The following RBFOX1 variants were observed in gnomAD, a reference collection of about 807,000 sequenced individuals.
RBFOX1 encodes the protein RNA binding protein fox-1 homolog 1.
RBFOX1 carries 8 observed loss-of-function variants against 57.7 expected under a neutral mutation model. The observed-to-expected ratio is 0.14, with a 90% CI of 0.08 to 0.25. The LOEUF is 0.25. RBFOX1 is among the 10% of genes least tolerant of loss of function. The pLI, the probability that RBFOX1 is intolerant of heterozygous loss-of-function variation, is 1.00. For synonymous variants in RBFOX1, 326 were observed against 222.4 expected (o/e 1.47, Z -4.15); for missense variants, 611 against 548.5 (o/e 1.11, Z -1.14).
At chr16:7,043,781 T>C (rs912683333) in intron 3 of RBFOX1, among the ~76,000 whole-genome samples, 1 of 152,220 alleles carries the variant, frequency 6.6e-6, no homozygotes. Flanking sequence ...AGTTAATCTC[T>C]CACCAGTTCC....
intron 1 of RBFOX1, among the ~76,000 whole-genome samples, chr16:5,243,528 G>C (rs1178142154): frequency 6.6e-6 from 1 of 152,148 alleles, no homozygotes; most frequent in African/African-American, 2.4e-5. Context: ...GTGTATTGTA[G>C]GATGGTTAGC....
intron 3 of RBFOX1, among the ~76,000 whole-genome samples, chr16:5,707,470 C>T (rs1280004957): frequency 1.3e-5 from 2 of 152,140 alleles, no homozygotes; most frequent in South Asian, 2.1e-4. Context: ...AGTTTAGTAA[C>T]CACTAAAGAT....
At chr16:6,785,014 G>T (rs1474309842) in intron 3 of RBFOX1, among the ~76,000 whole-genome samples, 5 of 151,912 alleles carry the variant, frequency 3.3e-5, no homozygotes, top group African/African-American at 1.2e-4. Flanking sequence ...ACATTGATTT[G>T]TTGCACTTCT....
intron 4 of RBFOX1, among the ~76,000 whole-genome samples, chr16:7,400,907 C>T (rs148664800): frequency 2.0e-5 from 3 of 152,162 alleles, no homozygotes; most frequent in Admixed American, 6.6e-5. Context: ...ATCTTTGCAA[C>T]TAAAGAAGCA....
intron 2 of RBFOX1, among the ~76,000 whole-genome samples, chr16:6,482,208 T>C (rs184267644): frequency 2.6e-5 from 4 of 152,276 alleles, no homozygotes; most frequent in African/African-American, 4.8e-5. Flanking sequence ...TGATCAAATA[T>C]AGGAGGGATA....
intron 4 of RBFOX1, among the ~76,000 whole-genome samples, chr16:7,415,264 A>G (rs73554613): frequency 0.029 from 4,423 of 152,284 alleles, 202 homozygotes; most frequent in African/African-American, 0.1. Flanking sequence ...TGCATCTGAT[A>G]TGCATCCAAT....
intron 1 of RBFOX1, among the ~76,000 whole-genome samples, chr16:5,303,056 T>G (rs575376804): frequency 5.3e-5 from 8 of 152,346 alleles, no homozygotes; most frequent in African/African-American, 1.4e-4. Flanking sequence ...TTTCCTAGTA[T>G]TTTGTGTGTG....
chr16:6,337,104 C>A (rs899906747), intron 2 of RBFOX1, among the ~76,000 whole-genome samples: 12 of 152,236 alleles, frequency 7.9e-5, no homozygotes, highest in African/African-American at 2.6e-4. Flanking sequence ...AGTTTATTTC[C>A]ATGGAGGGAG....
At chr16:6,825,295 C>T (rs899964852) in intron 3 of RBFOX1, among the ~76,000 whole-genome samples, 2 of 151,160 alleles carry the variant, frequency 1.3e-5, no homozygotes, top group East Asian at 1.9e-4. Flanking sequence ...CCAAAAATGT[C>T]TGTAGATATT....
intron 14 of RBFOX1, among the ~76,000 whole-genome samples, chr16:7,706,611 C>A (rs953235145): frequency 2.6e-5 from 4 of 152,178 alleles, no homozygotes; most frequent in Admixed American, 2.6e-4. Flanking sequence ...CATCTTTTCA[C>A]ATTTGTTTTG....
intron 4 of RBFOX1, among the ~76,000 whole-genome samples, chr16:7,500,182 C>G (rs1427576638): frequency 3.3e-5 from 5 of 152,182 alleles, no homozygotes; most frequent in South Asian, 2.1e-4. Flanking sequence ...ACTCTCCAGT[C>G]TCAAGTGGAG....
intron 2 of RBFOX1, among the ~76,000 whole-genome samples, chr16:6,342,742 C>T (rs375198123): frequency 2.6e-5 from 4 of 152,088 alleles, no homozygotes; most frequent in South Asian, 4.1e-4. Context: ...CTCTTCGGTG[C>T]GTATCTCCAA....
chr16:7,099,570 A>G (rs2062303657), intron 4 of RBFOX1, among the ~76,000 whole-genome samples: 1 of 152,154 alleles, frequency 6.6e-6, no homozygotes, highest in Non-Finnish European at 1.5e-5. Flanking sequence ...TGCTGAGGTT[A>G]AGGTTGCACC....
intron 3 of RBFOX1, among the ~76,000 whole-genome samples, chr16:5,647,215 A>G (rs1167502380): frequency 2.0e-5 from 3 of 152,194 alleles, no homozygotes; most frequent in Admixed American, 1.3e-4. Context: ...CCCCAGGTTT[A>G]TGAAGCAAAA....
intron 3 of RBFOX1, among the ~76,000 whole-genome samples, chr16:6,917,208 A>C (rs958019977): frequency 1.3e-5 from 2 of 152,174 alleles, no homozygotes; most frequent in Non-Finnish European, 2.9e-5. Context: ...TGTATTTAAA[A>C]TAGAAAATCT....
intron 3 of RBFOX1, among the ~76,000 whole-genome samples, chr16:5,649,792 T>C (rs879675730): frequency 6.6e-6 from 1 of 152,202 alleles, no homozygotes; most frequent in Admixed American, 6.5e-5. Flanking sequence ...ACTGCTTGTG[T>C]TGACAACATG....
At chr16:7,429,780 A>G (rs557504113) in intron 4 of RBFOX1, among the ~76,000 whole-genome samples, 12 of 152,330 alleles carry the variant, frequency 7.9e-5, no homozygotes, top group Admixed American at 7.8e-4. Context: ...CTGTGCTTCC[A>G]TAGACCCTAT....
At chr16:5,528,643 G>C (rs1012164724) in intron 2 of RBFOX1, among the ~76,000 whole-genome samples, 1 of 129,680 alleles carries the variant, frequency 7.7e-6, no homozygotes, top group East Asian at 2.3e-4. Flanking sequence ...TCCCTTCTCC[G>C]CTTCCCCCCT....
intron 2 of RBFOX1, among the ~76,000 whole-genome samples, chr16:6,476,398 G>A (rs1257030754): frequency 6.6e-6 from 1 of 152,090 alleles, no homozygotes; most frequent in Non-Finnish European, 1.5e-5. Flanking sequence ...ACAAGCCACT[G>A]CAATACAGTA....
Sources: gnomAD v4.1 joint callset for allele counts (sites outside exome capture counted in the v4.1 genomes callset) on GRCh38, gnomAD v4.1.1 for gene constraint, MANE v1.5 for transcripts, NCBI Gene and HGNC (gene_info 2026-07-23, HGNC 2026-07-21) for gene names.